HTR4: variants seen among roughly 807,000 people sequenced by gnomAD.
The protein encoded by HTR4 is 5-hydroxytryptamine receptor 4, also known as 5-hydroxytryptamine (serotonin) receptor 4, G protein-coupled.
Under a neutral mutation model 36.8 loss-of-function variants are expected in HTR4, and 16 were observed. The ratio of observed to expected loss-of-function variants is 0.43; its 90% CI spans 0.29 to 0.66. The LOEUF (loss-of-function observed/expected upper bound fraction) is 0.66, where lower values mean the gene tolerates loss of function less well. Ranked by LOEUF, HTR4 falls within the 30% of genes least tolerant of loss-of-function variation. HTR4 has a pLI of 0.13. For synonymous variants in HTR4, 189 were observed against 185.1 expected, an observed-to-expected ratio of 1.02 and a Z score of -0.17; for missense variants, 438 against 490.9, an observed-to-expected ratio of 0.89 and a Z score of 1.02.
intron 4 of HTR4, among the ~76,000 whole-genome samples, chr5:148,541,585 G>T (rs1759117596): frequency 6.6e-6 from 1 of 152,122 alleles, no homozygotes; most frequent in African/African-American, 2.4e-5. Flanking sequence ...CATGTTATCT[G>T]AGTATTGAAG....
chr5:148,654,496 C>T lies in HTR4; in HGVS notation c.-482G>A. ...CTCACCCGTTCCGGGCTGGCCAGCA[C>T]GCGCCCTCCCTGGCCGGAGCGCTGC... On this transcript the variant is annotated 5_prime_UTR_variant, in exon 1 of 7. It adds an upstream start codon to the 5' untranslated region. Transcript: ENST00000377888. 1 of 985,252 alleles carries T rather than the reference C, an allele frequency of 1.0e-6. No individual in the cohort carries two copies. The highest frequency in any genetic ancestry group is 1.2e-6 in the Non-Finnish European group (1 of 829,940). 61.0% of individuals were successfully genotyped at this position (985,252 alleles called of 1,614,324 possible).
chr5:148,484,380 C>T (rs1270042445), intron 6 of HTR4: 2 of 1,610,084 alleles, frequency 1.2e-6, no homozygotes, highest in Non-Finnish European at 1.7e-6. Context: ...AAAATCTGTC[C>T]TAGCAGATAA....
chr5:148,504,448 G>C (rs1404315457), intron 6 of HTR4, among the ~76,000 whole-genome samples: 2 of 152,200 alleles, frequency 1.3e-5, no homozygotes, highest in African/African-American at 4.8e-5. Flanking sequence ...AAACCAGTGA[G>C]AACAAAGACA....
chr5:148,481,091 A>G (rs940431592), downstream of HTR4, among the ~76,000 whole-genome samples: 2 of 152,130 alleles, frequency 1.3e-5, no homozygotes, highest in Non-Finnish European at 2.9e-5. Flanking sequence ...CATGCAGGCA[A>G]TGGGTGGGTG....
intron 2 of HTR4, among the ~76,000 whole-genome samples, chr5:148,594,351 CGTGTGTGTGT>C (rs59165561): frequency 2.0e-5 from 3 of 148,568 alleles, no homozygotes; most frequent in African/African-American, 7.4e-5. Flanking sequence ...TTCTGGGTTT[CGTGTGTGTGT>C]GTGTGTGTGT....
intron 1 of HTR4, among the ~76,000 whole-genome samples, chr5:148,652,700 C>T (rs1754076740): frequency 6.6e-6 from 1 of 152,068 alleles, no homozygotes; most frequent in South Asian, 2.1e-4. Context: ...CAGTGAGCTA[C>T]AGTTCTCCTG....
chr5:148,529,873 T>C (rs1042947294), intron 4 of HTR4, among the ~76,000 whole-genome samples: 1 of 152,214 alleles, frequency 6.6e-6, no homozygotes, highest in African/African-American at 2.4e-5. Flanking sequence ...AGAAACTTGC[T>C]GGGAACTGGA....
At chr5:148,647,636 C>G (rs7734265) in intron 1 of HTR4, among the ~76,000 whole-genome samples, 33,140 of 152,136 alleles carry the variant, frequency 0.22, 4,243 homozygotes, top group African/African-American at 0.35. Flanking sequence ...ATCACCTGAG[C>G]TCGGGAGTTC....
chr5:148,563,848 T>C (rs1760321443), intron 2 of HTR4, among the ~76,000 whole-genome samples: 1 of 152,190 alleles, frequency 6.6e-6, no homozygotes, highest in Non-Finnish European at 1.5e-5. Flanking sequence ...TGAACATCCT[T>C]AGACTTTGGT....
intron 2 of HTR4, among the ~76,000 whole-genome samples, chr5:148,592,463 A>G (rs1222844588): frequency 6.6e-6 from 1 of 151,792 alleles, no homozygotes; most frequent in Non-Finnish European, 1.5e-5. Flanking sequence ...CAGCTCTCTA[A>G]GGATAAAAGC....
intron 5 of HTR4, among the ~76,000 whole-genome samples, chr5:148,463,595 T>C (rs898574687): frequency 6.6e-6 from 1 of 152,162 alleles, no homozygotes; most frequent in Non-Finnish European, 1.5e-5. Context: ...AATGGAGATA[T>C]ATTCCATGCT....
chr5:148,617,857 T>G (rs1752763031), intron 2 of HTR4, among the ~76,000 whole-genome samples: 1 of 152,092 alleles, frequency 6.6e-6, no homozygotes, highest in African/African-American at 2.4e-5. Flanking sequence ...TCAAAGGGAC[T>G]CAAGCAAAAG....
At chr5:148,499,672 A>G (rs1756845668) in intron 6 of HTR4, among the ~76,000 whole-genome samples, 1 of 152,126 alleles carries the variant, frequency 6.6e-6, no homozygotes, top group South Asian at 2.1e-4. Context: ...GGAGGGTGAG[A>G]TAGTTTGGAT....
intron 2 of HTR4, among the ~76,000 whole-genome samples, chr5:148,599,457 A>T (rs1005276919): frequency 3.9e-5 from 6 of 152,180 alleles, no homozygotes; most frequent in Admixed American, 6.5e-5. Context: ...TAAGTATGGA[A>T]GTCAAACACA....
chr5:148,623,538 C>G (rs185967598), intron 2 of HTR4, among the ~76,000 whole-genome samples: 5 of 152,236 alleles, frequency 3.3e-5, no homozygotes, highest in Admixed American at 3.3e-4. Context: ...TAATTTGACA[C>G]GATCTCACTG....
intron 1 of HTR4, among the ~76,000 whole-genome samples, chr5:148,649,273 G>GA (rs80005324): frequency 8.2e-4 from 118 of 143,330 alleles, no homozygotes; most frequent in East Asian, 1.4e-3. Context: ...GTGTGATCAT[G>GA]AAAAAAAAAA....
rs191756526 is a variant in HTR4, at chr5:148,528,204, A to G, written c.354-4858T>C. On this transcript the variant is annotated intron_variant, in intron 4 of 6. Coordinates refer to ENST00000377888, the MANE Select transcript of HTR4 (RefSeq NM_000870.7). ...TTGTTAGTGACAGGTAAGGATATGA[A>G]TAAGAAAAATACTGAATTATGTCTA... 1.6e-3 allele frequency among the ~76,000 whole-genome samples: 242 copies of G among 152,342 alleles called. 2 individuals carry two copies. Among genetic ancestry groups the G allele is most frequent in the African/African-American group, 5.5e-3 (230 of 41,590 alleles).
intron 4 of HTR4, among the ~76,000 whole-genome samples, chr5:148,531,076 GAA>G (rs1171837213): frequency 3.9e-5 from 6 of 152,188 alleles, no homozygotes; most frequent in Non-Finnish European, 5.9e-5. Context: ...CTCATAGGCA[GAA>G]GGGACTTGCC....
rs545683217 is a variant in HTR4, at chr5:148,647,647, G to A, written c.-48+6415C>T. Among the ~76,000 whole-genome samples, 8 of 152,274 alleles carry A rather than the reference G, an allele frequency of 5.3e-5. No individual in the cohort carries two copies. The South Asian group carries it at 8.3e-4, about 16-fold the overall frequency. ...GCAGATCACCTGAGCTCGGGAGTTC[G>A]AGACCAGCCTGGCCAACACGGTGAA... On this transcript the variant is annotated intron_variant, in intron 1 of 6. Transcript: ENST00000377888.
Sources: gnomAD v4.1 joint callset for allele counts (sites outside exome capture counted in the v4.1 genomes callset) on GRCh38, gnomAD v4.1.1 for gene constraint, MANE v1.5 for transcripts, NCBI Gene and HGNC (gene_info 2026-07-23, HGNC 2026-07-21) for gene names.